Variants in ZDHHC14 observed in about 807,000 individuals in gnomAD.
ZDHHC14 encodes the protein palmitoyltransferase ZDHHC14.
A neutral mutation model predicts 47.7 loss-of-function variants in ZDHHC14; 16 were observed. That is an observed-to-expected ratio of 0.34 (90% CI 0.23 to 0.51). ZDHHC14 has a LOEUF of 0.51. Ranked by LOEUF, ZDHHC14 falls within the 20% of genes least tolerant of loss-of-function variation. ZDHHC14 has a pLI of 0.97. For synonymous variants in ZDHHC14, 293 were observed against 278.9 expected, an observed-to-expected ratio of 1.05 and a Z score of -0.50; for missense variants, 515 against 662.5, an observed-to-expected ratio of 0.78 and a Z score of 2.44.
At chr6:157,664,415 A>G (rs1194397884) in intron 8 of ZDHHC14, among the ~76,000 whole-genome samples, 1 of 152,216 alleles carries the variant, frequency 6.6e-6, no homozygotes, top group Non-Finnish European at 1.5e-5. Context: ...GTTATCTTAC[A>G]CCAAAGAGTG....
intron 1 of ZDHHC14, among the ~76,000 whole-genome samples, chr6:157,409,538 A>C (rs1777831774): frequency 6.6e-6 from 1 of 152,216 alleles, no homozygotes. Flanking sequence ...GTTACTCGAT[A>C]GATATTTACT....
chr6:157,476,777 C>T (rs1172643430), intron 1 of ZDHHC14, among the ~76,000 whole-genome samples: 1 of 152,004 alleles, frequency 6.6e-6, no homozygotes, highest in Non-Finnish European at 1.5e-5. Context: ...ATATAATACA[C>T]CACATTAACA....
In ZDHHC14 at chr6:157,415,263, G is replaced by C. The variant is rs150109460; in HGVS notation, c.245+32997G>C. On this transcript the variant is annotated intron_variant, in intron 1 of 8. Coordinates refer to ENST00000359775, the MANE Select transcript of ZDHHC14 (RefSeq NM_024630.3). ...ATTAAACAATATTGTAACTAATATT[G>C]TCATAACAAGCTACTGATACTGTCT... Among the ~76,000 whole-genome samples, 344 of 152,178 alleles carry C rather than the reference G, an allele frequency of 2.3e-3. 1 individual carries two copies. The highest frequency in any genetic ancestry group is 8.0e-3 in the African/African-American group (331 of 41,524).
chr6:157,552,183 A>C (rs567121476), intron 2 of ZDHHC14, among the ~76,000 whole-genome samples: 1 of 152,322 alleles, frequency 6.6e-6, no homozygotes, highest in Non-Finnish European at 1.5e-5. Context: ...ACTCACTGGA[A>C]TATTACTATC....
At chr6:157,430,961 G>A (rs765858837) in intron 1 of ZDHHC14, among the ~76,000 whole-genome samples, 3 of 152,218 alleles carry the variant, frequency 2.0e-5, no homozygotes, top group Non-Finnish European at 4.4e-5. Flanking sequence ...GTAAAGCCAG[G>A]TTATGATACA....
intron 1 of ZDHHC14, among the ~76,000 whole-genome samples, chr6:157,484,298 T>TATAC (rs1779710200): frequency 8.5e-6 from 1 of 117,268 alleles, no homozygotes; most frequent in South Asian, 2.5e-4. Context: ...TATGTGTATA[T>TATAC]ATATATACAT....
At chr6:157,525,316 A>G (rs1406140292) in intron 1 of ZDHHC14, among the ~76,000 whole-genome samples, 1 of 151,934 alleles carries the variant, frequency 6.6e-6, no homozygotes, top group Non-Finnish European at 1.5e-5. Flanking sequence ...GTGCATCACC[A>G]TGGCCAGCTA....
chr6:157,589,817 G>T (rs1181245874), intron 2 of ZDHHC14, among the ~76,000 whole-genome samples: 1 of 152,166 alleles, frequency 6.6e-6, no homozygotes, highest in Non-Finnish European at 1.5e-5. Flanking sequence ...CTTTGGAAGT[G>T]GGTAACAGGG....
intron 5 of ZDHHC14, among the ~76,000 whole-genome samples, chr6:157,638,638 AACCATCCG>A (rs1412783681): frequency 6.6e-6 from 1 of 152,236 alleles, no homozygotes; most frequent in East Asian, 1.9e-4. Context: ...CAAGGTCGAG[AACCATCCG>A]CCTGGGCCCT....
intron 1 of ZDHHC14, among the ~76,000 whole-genome samples, chr6:157,467,405 G>T (rs1235520878): frequency 6.6e-6 from 1 of 152,098 alleles, no homozygotes; most frequent in African/African-American, 2.4e-5. Flanking sequence ...GGACGTTTCA[G>T]ATAAATGGAG....
chr6:157,625,370 A>T (rs557261717), intron 3 of ZDHHC14, among the ~76,000 whole-genome samples: 2 of 152,146 alleles, frequency 1.3e-5, no homozygotes. Context: ...CCTCTCCAGG[A>T]CAAGTCAAGT....
At chr6:157,657,773 A>T (rs748660711) in intron 8 of ZDHHC14, among the ~76,000 whole-genome samples, 1 of 152,250 alleles carries the variant, frequency 6.6e-6, no homozygotes. Context: ...TAAAAGCTGT[A>T]CAGAGACATC....
chr6:157,471,599 C>T (rs1335133470), intron 1 of ZDHHC14, among the ~76,000 whole-genome samples: 5 of 152,206 alleles, frequency 3.3e-5, no homozygotes, highest in African/African-American at 9.6e-5. Flanking sequence ...AGTTCGAGGG[C>T]CCGAAATAGC....
chr6:157,665,830 C>T (rs893134156), intron 8 of ZDHHC14, among the ~76,000 whole-genome samples: 10 of 152,082 alleles, frequency 6.6e-5, no homozygotes, highest in African/African-American at 2.4e-4. Flanking sequence ...TATAAATTCT[C>T]AAGGAAGAAA....
At chr6:157,473,195 C>T (rs921381386) in intron 1 of ZDHHC14, among the ~76,000 whole-genome samples, 1 of 152,108 alleles carries the variant, frequency 6.6e-6, no homozygotes, top group Non-Finnish European at 1.5e-5. Context: ...ACTCTTTAAG[C>T]GATTTTTAAG....
At chr6:157,653,419 G>A in intron 7 of ZDHHC14, 106 bp from the exon 8 acceptor site, 16 of 1,142,572 alleles carry the variant, frequency 1.4e-5, no homozygotes, top group Non-Finnish European at 1.9e-5. Context: ...CCTGAGGTGG[G>A]CCTGTCACGG....
chr6:157,655,360 A>C (rs1249362724), intron 8 of ZDHHC14, among the ~76,000 whole-genome samples: 3 of 152,200 alleles, frequency 2.0e-5, no homozygotes, highest in African/African-American at 7.2e-5. Context: ...CATCTACCCA[A>C]GGCCACACAG....
intron 1 of ZDHHC14, among the ~76,000 whole-genome samples, chr6:157,419,023 G>T (rs1250276641): frequency 6.6e-6 from 1 of 152,224 alleles, no homozygotes; most frequent in African/African-American, 2.4e-5. Context: ...CAATTCAAAT[G>T]CACTTGCAGG....
At chr6:157,471,123 A>G (rs968835317) in intron 1 of ZDHHC14, among the ~76,000 whole-genome samples, 8 of 152,218 alleles carry the variant, frequency 5.3e-5, no homozygotes, top group South Asian at 2.1e-4. Context: ...ACAGAGGTCC[A>G]TGGTCTTCAG....
Sources: allele counts gnomAD v4.1 joint callset (sites outside exome capture counted in the v4.1 genomes callset), GRCh38; gene constraint gnomAD v4.1.1; transcripts MANE v1.5; gene names NCBI Gene and HGNC (gene_info 2026-07-23, HGNC 2026-07-21).